The following SLC22A5 variants were observed in gnomAD, a reference collection of about 807,000 sequenced individuals.
SLC22A5 encodes the protein solute carrier family 22 member 5.
SLC22A5 carries 44 observed loss-of-function variants against 56.7 expected under a neutral mutation model. The ratio of observed to expected loss-of-function variants is 0.78; its 90% CI spans 0.61 to 1.00. SLC22A5 has a LOEUF of 1.00. Among genes scored for constraint, SLC22A5 ranks in the 50% least tolerant of loss-of-function variants. The pLI is 0.00. For missense variants in SLC22A5, 675 were observed against 723.0 expected (o/e 0.93, Z 0.76); for synonymous variants, 278 against 292.1 (o/e 0.95, Z 0.49).
Position 132,394,842 on chromosome 5 carries a change from A to C in SLC22A5, c.*570A>C, listed in dbSNP as rs1277472215. The C allele has an allele frequency of 6.2e-6, 1 of 160,600 alleles. No individual in the cohort carries two copies. The highest frequency in any genetic ancestry group is 1.4e-5 in the Non-Finnish European group (1 of 72,930). 9.9% of individuals were successfully genotyped at this position (160,600 alleles called of 1,614,324 possible). ...GTAATGAAGATGGAGCAGAATGAGC[A>C]GATGCAGATCACCAGCAAAGTGCAC... is the stretch of plus-strand genomic sequence containing the variant. On this transcript the variant is annotated 3_prime_UTR_variant, in exon 10 of 10. Transcript: ENST00000245407.
chr5:132,392,369 G>C (rs1374549892), intron 7 of SLC22A5, 64 bp from the exon 8 acceptor site: 2 of 1,439,366 alleles, frequency 1.4e-6, no homozygotes, highest in African/African-American at 1.4e-5. Flanking sequence ...TGTTTGTTTT[G>C]CTCTCAATAG....
chr5:132,385,371 G>A lies in SLC22A5; in HGVS notation c.696G>A (p.Thr232=), dbSNP rs748677211. 3.2e-5 allele frequency: 52 copies of A among 1,613,982 alleles called. No individual in the cohort carries two copies. The highest frequency in any genetic ancestry group is 4.0e-5 in the Non-Finnish European group (47 of 1,179,922). The change falls in exon 4 of 10, where the codon ACG becomes ACA. Residue 232 remains threonine, a synonymous_variant. Coordinates refer to ENST00000245407, the MANE Select transcript of SLC22A5 (RefSeq NM_003060.4). The part of the protein sequence containing the change: ...LGKSVRIIFS[T]LGVCIFYAFG... ...AGTCAGTTCGTATAATATTCTCTACGTTAGGAGTGTGCATATTTTATGCAT... is the reference window on the plus strand; with the variant it reads ...AGTCAGTTCGTATAATATTCTCTACATTAGGAGTGTGCATATTTTATGCAT...
chr5:132,377,974 T>C (rs1752205154), intron 1 of SLC22A5: 1 of 880,050 alleles, frequency 1.1e-6, no homozygotes, highest in South Asian at 1.8e-5. Context: ...AGAGCCCTGC[T>C]TCCAGAACCA....
intron 2 of SLC22A5, chr5:132,382,677 C>T (rs999305571): frequency 6.6e-6 from 1 of 152,188 alleles, no homozygotes; most frequent in African/African-American, 2.4e-5. Flanking sequence ...TTCCTTGTGC[C>T]TCTCATTAAC....
At chr5:132,389,096 C>A (rs2126788263) in intron 6 of SLC22A5, 75 bp downstream of exon 6, 3 of 907,258 alleles carry the variant, frequency 3.3e-6, no homozygotes, top group East Asian at 2.4e-5. Flanking sequence ...TGTTTACAGA[C>A]ATGCCTCAGA....
chr5:132,386,209 T>C (rs1369665565), intron 4 of SLC22A5, among the ~76,000 whole-genome samples: 1 of 140,204 alleles, frequency 7.1e-6, no homozygotes, highest in Non-Finnish European at 1.6e-5. Context: ...TTTCCTTTTT[T>C]TCTTTTCTTT....
rs1255171088 is a variant in SLC22A5, at chr5:132,394,342, C to G, written c.*70C>G. 9.0e-7 allele frequency: 1 copy of G among 1,114,990 alleles called. No individual in the cohort carries two copies. The highest frequency in any genetic ancestry group is 1.6e-5 in the African/African-American group (1 of 60,956). The allele number at this position is 1,114,990 out of a possible 1,614,324, so 69.1% of individuals were successfully genotyped here. A position where few individuals can be genotyped will look rare whatever the true frequency, so the allele number is the denominator to read the frequency against. ...GCCAGAAATGGCCAGCTTGTGCAGA[C>G]TCCGAGTCCTTCAGTGACAAAAGGC... is the stretch of plus-strand genomic sequence containing the variant. On this transcript the variant is annotated 3_prime_UTR_variant, in exon 10 of 10. Transcript: ENST00000245407.
chr5:132,391,348 C>G lies in SLC22A5; in HGVS notation c.1267+444C>G, dbSNP rs183685970. On this transcript the variant is annotated intron_variant, in intron 7 of 9. Coordinates refer to ENST00000245407, the MANE Select transcript of SLC22A5 (RefSeq NM_003060.4). ...CCCAGGCCCTCATGGAACGTACACC[C>G]TAGATGAGAAGACAGACAACAAACA... Among the ~76,000 whole-genome samples, 8 of 152,184 alleles carry G rather than the reference C, an allele frequency of 5.3e-5. No individual in the cohort carries two copies. In the East Asian group the frequency reaches 1.5e-3, roughly 29 times the overall value.
chr5:132,393,496 A>G (rs1752776019), intron 8 of SLC22A5, among the ~76,000 whole-genome samples, 180 bp from the exon 9 acceptor site: 1 of 152,148 alleles, frequency 6.6e-6, no homozygotes, highest in Non-Finnish European at 1.5e-5. Context: ...TGCCTGTGCC[A>G]GCTCTGGGTT....
chr5:132,370,427 A>G, intron 1 of SLC22A5, 62 bp downstream of exon 1: 2 of 1,558,456 alleles, frequency 1.3e-6, no homozygotes, highest in Non-Finnish European at 1.7e-6. Context: ...CGGTCCTTGA[A>G]CCCGAGCTCC....
intron 2 of SLC22A5, chr5:132,380,144 G>A (rs143657655): frequency 6.6e-6 from 1 of 152,514 alleles, no homozygotes; most frequent in Admixed American, 6.5e-5. Context: ...GCGAGAGTGG[G>A]AAGATGAGTC....
intron 1 of SLC22A5, chr5:132,377,787 G>T (rs1752199113): frequency 4.8e-6 from 1 of 208,742 alleles, no homozygotes; most frequent in South Asian, 9.9e-5. Context: ...AGGACTTTCA[G>T]CTGTAATTGA....
At chr5:132,389,319 G>A (rs557039816) in intron 6 of SLC22A5, 17 of 385,930 alleles carry the variant, frequency 4.4e-5, no homozygotes, top group Admixed American at 1.5e-4. Flanking sequence ...TTTAGTTCCC[G>A]TCTCCTACCC....
chr5:132,393,577 A>T, intron 8 of SLC22A5, 99 bp from the exon 9 acceptor site: 1 of 1,381,160 alleles, frequency 7.2e-7, no homozygotes, highest in Non-Finnish European at 1.0e-6. Flanking sequence ...CCAAGAAGGA[A>T]AGTGATCCCC....
chr5:132,385,168 A>G (rs576930591), intron 3 of SLC22A5, among the ~76,000 whole-genome samples, 160 bp from the exon 4 acceptor site: 22 of 152,336 alleles, frequency 1.4e-4, no homozygotes, highest in African/African-American at 5.1e-4. Context: ...GGAGACAGTC[A>G]GACAGGAGGG....
intron 6 of SLC22A5, 80 bp downstream of exon 6, chr5:132,389,101 C>A: frequency 2.3e-6 from 2 of 879,258 alleles, no homozygotes; most frequent in Non-Finnish European, 1.9e-6. Context: ...ACAGACATGC[C>A]TCAGACAAAA....
intron 7 of SLC22A5, 23 bp downstream of exon 7, chr5:132,390,927 G>A (rs1479147108): frequency 6.3e-7 from 1 of 1,590,396 alleles, no homozygotes; most frequent in Non-Finnish European, 8.6e-7. Context: ...TGCATCTATG[G>A]TTTGGGGTCT....
intron 5 of SLC22A5, 97 bp from the exon 6 acceptor site, chr5:132,388,824 C>G: frequency 2.4e-6 from 2 of 830,456 alleles, no homozygotes. Context: ...CGCTGAGATG[C>G]AGACAGCTAA....
chr5:132,370,046 T>C lies in SLC22A5; in HGVS notation c.74T>C (p.Leu25Pro). Residue 25 changes from leucine to proline, a missense_variant, in exon 1 of 10, where the codon CTC (leucine) becomes CCC (proline). Leu to Pro is a moderately conservative substitution (Grantham distance 98). Transcript: ENST00000245407. The part of the protein sequence containing the change: ...GPFQRLIFFL[L>P]SASIIPNGFT... Reference sequence around the variant, plus strand: ...TTCCAGCGCCTCATCTTCTTCCTGCTCAGCGCCAGCATCATCCCCAATGGC... The same window carrying C: ...TTCCAGCGCCTCATCTTCTTCCTGCCCAGCGCCAGCATCATCCCCAATGGC... 1 of 1,613,350 alleles carries C rather than the reference T, an allele frequency of 6.2e-7. No individual in the cohort carries two copies.
Sources: allele counts gnomAD v4.1 joint callset (sites outside exome capture counted in the v4.1 genomes callset), GRCh38; gene constraint gnomAD v4.1.1; transcripts MANE v1.5; gene names NCBI Gene and HGNC (gene_info 2026-07-23, HGNC 2026-07-21).